The following TCF12 variants were observed in gnomAD, a reference collection of about 807,000 sequenced individuals.
TCF12 encodes transcription factor 12, also known as DNA-binding protein HTF4.
A neutral mutation model predicts 86.0 loss-of-function variants in TCF12; 45 were observed. The ratio of observed to expected loss-of-function variants is 0.52; its 90% CI spans 0.41 to 0.67. The LOEUF is 0.67. Among genes scored for constraint, TCF12 ranks in the 30% least tolerant of loss-of-function variants. The pLI, the probability that TCF12 is intolerant of heterozygous loss-of-function variation, is 0.00. For missense variants in TCF12, 881 were observed against 859.9 expected, an observed-to-expected ratio of 1.02 and a Z score of -0.31; for synonymous variants, 330 against 299.6, an observed-to-expected ratio of 1.10 and a Z score of -1.05.
chr15:56,943,159 A>G (rs1442014027), intron 3 of TCF12, among the ~76,000 whole-genome samples: 4 of 152,124 alleles, frequency 2.6e-5, no homozygotes, highest in African/African-American at 9.7e-5. Context: ...TTTTTACACA[A>G]TAGGGAACAA....
At chr15:57,272,612 C>T (rs1173756157) in intron 18 of TCF12, among the ~76,000 whole-genome samples, 2 of 152,206 alleles carry the variant, frequency 1.3e-5, no homozygotes, top group African/African-American at 4.8e-5. Context: ...AATGCAGCTT[C>T]TAATTCAGTA....
At chr15:57,033,336 CA>C (rs1265458418) in intron 3 of TCF12, among the ~76,000 whole-genome samples, 7 of 151,860 alleles carry the variant, frequency 4.6e-5, no homozygotes, top group African/African-American at 1.7e-4. Flanking sequence ...TCAATTTTAC[CA>C]CATGAGAATT....
At chr15:57,118,421 C>G (rs1179665615) in intron 5 of TCF12, 1 of 152,100 alleles carries the variant, frequency 6.6e-6, no homozygotes, top group Non-Finnish European at 1.5e-5. Context: ...TTAGTGGGTG[C>G]TTTGGATCAG....
Position 56,919,891 on chromosome 15 carries a change from G to A in TCF12, c.-22-1G>A. The A allele has an allele frequency of 6.2e-7, 1 of 1,613,796 alleles. No individual in the cohort carries two copies. Among genetic ancestry groups the A allele is most frequent in the Non-Finnish European group, 8.5e-7 (1 of 1,179,858 alleles). ...CGCTGAGCCCGTTTCCTCTGCCCTA[G>A]GACCTGCTAGAAGTGGCCGAAGATG... On this transcript the variant is annotated splice_acceptor_variant, in intron 1 of 20. Coordinates refer to ENST00000333725, the MANE Select transcript of TCF12 (RefSeq NM_207037.2). LOFTEE classifies it low-confidence loss of function (5UTR_SPLICE).
At chr15:57,094,851 T>C (rs2049216381) in intron 5 of TCF12, among the ~76,000 whole-genome samples, 1 of 152,164 alleles carries the variant, frequency 6.6e-6, no homozygotes, top group Non-Finnish European at 1.5e-5. Flanking sequence ...CATAAGCACA[T>C]TTGCCTGAAG....
At chr15:56,952,938 C>T (rs1459572617) in intron 3 of TCF12, among the ~76,000 whole-genome samples, 12 of 152,034 alleles carry the variant, frequency 7.9e-5, no homozygotes, top group African/African-American at 2.7e-4. Flanking sequence ...TGTTTTAGAT[C>T]TTAGAAAGCA....
chr15:57,197,286 C>T (rs1050317779), intron 7 of TCF12, among the ~76,000 whole-genome samples: 5 of 150,686 alleles, frequency 3.3e-5, no homozygotes, highest in African/African-American at 4.9e-5. Flanking sequence ...CCTCCCGAGT[C>T]GCTGGGATTA....
intron 3 of TCF12, among the ~76,000 whole-genome samples, chr15:57,010,622 C>T (rs7161894): frequency 0.047 from 7,134 of 152,096 alleles, 342 homozygotes; most frequent in African/African-American, 0.12. Flanking sequence ...AGCTTTTTTC[C>T]TGCTCCTTAA....
At chr15:57,003,801 G>T (rs2064188763) in intron 3 of TCF12, among the ~76,000 whole-genome samples, 1 of 152,050 alleles carries the variant, frequency 6.6e-6, no homozygotes, top group South Asian at 2.1e-4. Context: ...ATGGTCCTTG[G>T]GTACCTATGC....
At chr15:57,104,966 C>G (rs531188724) in intron 5 of TCF12, among the ~76,000 whole-genome samples, 1 of 149,420 alleles carries the variant, frequency 6.7e-6, no homozygotes, top group African/African-American at 2.5e-5. Context: ...CCCTGCCTCC[C>G]GGGTTCAAGC....
In TCF12 at chr15:57,170,651, AT is replaced by A. The variant is rs56673384; in HGVS notation, c.390+4187del. ...TTTTATATATATATATAATATATAT[AT>A]TATATAAAATATATATATATATAAT... On this transcript the variant is annotated intron_variant, in intron 6 of 20. Coordinates refer to ENST00000333725, the MANE Select transcript of TCF12 (RefSeq NM_207037.2). Among the ~76,000 whole-genome samples, 37 of 48,542 alleles carry A rather than the reference AT, an allele frequency of 7.6e-4. 1 individual carries two copies. The highest frequency in any genetic ancestry group is 2.3e-3 in the African/African-American group (31 of 13,592). The allele number at this position is 48,542 out of a possible 152,430, so 31.8% of individuals were successfully genotyped here.
At chr15:57,060,836 C>A (rs2703580) in intron 3 of TCF12, among the ~76,000 whole-genome samples, 1 of 151,890 alleles carries the variant, frequency 6.6e-6, no homozygotes, top group Non-Finnish European at 1.5e-5. Flanking sequence ...CTTGGTCTTA[C>A]GGCTGAAGCT....
intron 19 of TCF12, chr15:57,278,697 T>TCTCCCCCTCCCTCCCTCC (rs2061518694): frequency 4.2e-5 from 5 of 118,626 alleles, no homozygotes; most frequent in African/African-American, 2.7e-4. Flanking sequence ...CCTCTCCCTC[T>TCTCCCCCTCCCTCCCTCC]CTCTCCCTCC....
Position 57,273,012 on chromosome 15 carries a change from T to C in TCF12, c.1746-18T>C. 2 of 1,609,764 alleles carry C rather than the reference T, an allele frequency of 1.2e-6. No homozygotes were observed. The highest frequency in any genetic ancestry group is 1.7e-6 in the Non-Finnish European group (2 of 1,176,734). On this transcript the variant is annotated intron_variant, in intron 18 of 20. Coordinates refer to ENST00000333725, the MANE Select transcript of TCF12 (RefSeq NM_207037.2). Reference sequence around the variant, plus strand: ...TTATAGGAAACCTAATAGACCTTGTTGTTACTTTATTTTCTAGCAGTACTA... The same window carrying C: ...TTATAGGAAACCTAATAGACCTTGTCGTTACTTTATTTTCTAGCAGTACTA...
chr15:57,132,075 C>T (rs1283151163), intron 5 of TCF12, among the ~76,000 whole-genome samples: 3 of 151,950 alleles, frequency 2.0e-5, no homozygotes, highest in Non-Finnish European at 2.9e-5. Context: ...CACCTGAGCC[C>T]GGGAATTCCA....
chr15:57,130,718 A>G (rs942874550), intron 5 of TCF12, among the ~76,000 whole-genome samples: 11 of 152,276 alleles, frequency 7.2e-5, no homozygotes, highest in African/African-American at 2.4e-4. Flanking sequence ...AAATTAGTCT[A>G]TTTTTAATTA....
intron 3 of TCF12, among the ~76,000 whole-genome samples, chr15:56,980,710 T>C (rs2062848540): frequency 3.9e-5 from 6 of 152,350 alleles, no homozygotes. Flanking sequence ...TGTCATGTCA[T>C]CTGTGCACAC....
chr15:56,959,916 ATTG>A (rs1232109535), intron 3 of TCF12, among the ~76,000 whole-genome samples: 14 of 152,176 alleles, frequency 9.2e-5, no homozygotes, highest in African/African-American at 3.4e-4. Context: ...TAGCAAGATT[ATTG>A]TTCCAATTTT....
chr15:57,014,432 A>AC, intron 3 of TCF12, among the ~76,000 whole-genome samples: 1 of 152,012 alleles, frequency 6.6e-6, no homozygotes, highest in South Asian at 2.1e-4. Context: ...AAAAAAAAAA[A>AC]AATTTCTGAC....
Sources: allele counts gnomAD v4.1 joint callset (sites outside exome capture counted in the v4.1 genomes callset), GRCh38; gene constraint gnomAD v4.1.1; transcripts MANE v1.5; gene names NCBI Gene and HGNC (gene_info 2026-07-23, HGNC 2026-07-21).